The following LRP1B variants were observed in gnomAD, a reference collection of about 807,000 sequenced individuals.
LRP1B encodes low-density lipoprotein receptor-related protein 1B.
A neutral mutation model predicts 556.6 loss-of-function variants in LRP1B; 217 were observed. That is an observed-to-expected ratio of 0.39 (90% CI 0.35 to 0.44). The LOEUF (loss-of-function observed/expected upper bound fraction) is 0.44. Among genes scored for constraint, LRP1B ranks in the 20% least tolerant of loss-of-function variants. LRP1B has a pLI of 1.00. For synonymous variants in LRP1B, 2,047 were observed against 1,865.8 expected (o/e 1.10, Z -2.50); for missense variants, 5,053 against 5,620.8 (o/e 0.90, Z 3.23).
chr2:140,271,595 T>C (rs1156997695), intron 85 of LRP1B, among the ~76,000 whole-genome samples: 2 of 151,980 alleles, frequency 1.3e-5, no homozygotes, highest in Admixed American at 1.3e-4. Flanking sequence ...TTTGAAGATG[T>C]TTCTGAAAAG....
chr2:140,354,269 CACAA>C (rs749940252), intron 75 of LRP1B, among the ~76,000 whole-genome samples: 4 of 152,058 alleles, frequency 2.6e-5, no homozygotes, highest in Non-Finnish European at 5.9e-5. Context: ...TTGCGTAGCA[CACAA>C]ACAATGTTCT....
At chr2:141,420,506 G>T (rs552113138) in intron 3 of LRP1B, among the ~76,000 whole-genome samples, 48 of 152,154 alleles carry the variant, frequency 3.2e-4, no homozygotes, top group African/African-American at 1.1e-3. Flanking sequence ...CCAAAAGCTC[G>T]TAAGTTTTTG....
intron 2 of LRP1B, among the ~76,000 whole-genome samples, chr2:141,537,912 C>A (rs1685121170): frequency 6.6e-6 from 1 of 151,956 alleles, no homozygotes; most frequent in African/African-American, 2.4e-5. Context: ...GGAATTCCAC[C>A]CATAACACTG....
chr2:142,079,517 A>AT (rs1335782905), intron 1 of LRP1B, among the ~76,000 whole-genome samples: 1 of 149,008 alleles, frequency 6.7e-6, no homozygotes, highest in African/African-American at 2.5e-5. Flanking sequence ...TTATTTTTTT[A>AT]TTTTTTCTGA....
intron 2 of LRP1B, among the ~76,000 whole-genome samples, chr2:141,674,075 T>A (rs1249016284): frequency 1.3e-5 from 2 of 152,052 alleles, no homozygotes; most frequent in South Asian, 4.1e-4. Context: ...ATTCCCTCCA[T>A]TGTTAATAGC....
intron 35 of LRP1B, among the ~76,000 whole-genome samples, chr2:140,759,230 T>C (rs1367902273): frequency 6.6e-6 from 1 of 152,114 alleles, no homozygotes; most frequent in African/African-American, 2.4e-5. Context: ...TATTAGAAGT[T>C]GAATAGTCAA....
At chr2:140,328,748 G>C (rs1450831189) in intron 79 of LRP1B, among the ~76,000 whole-genome samples, 1 of 151,952 alleles carries the variant, frequency 6.6e-6, no homozygotes, top group Non-Finnish European at 1.5e-5. Context: ...AATTGTTAGA[G>C]TTTCAGATTA....
chr2:140,740,872 C>A (rs1688113452), intron 35 of LRP1B, among the ~76,000 whole-genome samples: 2 of 151,992 alleles, frequency 1.3e-5, no homozygotes, highest in African/African-American at 4.8e-5. Flanking sequence ...TTAGGGCCTA[C>A]CCACATGACC....
intron 1 of LRP1B, among the ~76,000 whole-genome samples, chr2:141,838,186 A>C (rs976798692): frequency 2.0e-5 from 3 of 152,118 alleles, no homozygotes; most frequent in Admixed American, 6.6e-5. Flanking sequence ...TCTATAACGT[A>C]AGCTATCTCA....
intron 59 of LRP1B, among the ~76,000 whole-genome samples, chr2:140,477,369 T>G (rs1688017408): frequency 6.6e-6 from 1 of 152,078 alleles, no homozygotes; most frequent in African/African-American, 2.4e-5. Flanking sequence ...GAATTGCATA[T>G]AAGAAAATAA....
At chr2:140,690,345 C>A (rs569652596) in intron 41 of LRP1B, among the ~76,000 whole-genome samples, 1 of 151,962 alleles carries the variant, frequency 6.6e-6, no homozygotes, top group Admixed American at 6.6e-5. Flanking sequence ...ATCACTCTTC[C>A]GGGTCTAACC....
intron 2 of LRP1B, among the ~76,000 whole-genome samples, chr2:141,653,471 C>G (rs921046673): frequency 6.6e-6 from 1 of 152,210 alleles, no homozygotes; most frequent in African/African-American, 2.4e-5. Flanking sequence ...AGGCAGAGTG[C>G]TCCTGGCATC....
chr2:140,808,484 C>A (rs1401084712), intron 32 of LRP1B, among the ~76,000 whole-genome samples: 1 of 152,174 alleles, frequency 6.6e-6, no homozygotes, highest in Non-Finnish European at 1.5e-5. Flanking sequence ...AAGTCACTGT[C>A]TTGGCAAACT....
chr2:141,774,688 T>C (rs895764915), intron 2 of LRP1B, among the ~76,000 whole-genome samples: 2 of 152,176 alleles, frequency 1.3e-5, no homozygotes, highest in Non-Finnish European at 2.9e-5. Context: ...GGAAACACCG[T>C]CCCTTCAAAT....
chr2:140,536,716 G>GAAAAA lies in LRP1B; in HGVS notation c.7514-12_7514-8dup. ...TTGCAGGAGGAATTTTTAGCTGCAAGAAAAAAAAAAAAAGTCAATACTTTT... is the reference window on the plus strand; with the variant it reads ...TTGCAGGAGGAATTTTTAGCTGCAAGAAAAAAAAAAAAAAAAAAGTCAATACTTTT... On this transcript the variant is annotated splice_region_variant and splice_polypyrimidine_tract_variant and intron_variant, in intron 45 of 90. Coordinates refer to ENST00000389484, the MANE Select transcript of LRP1B (RefSeq NM_018557.3). 2 of 1,253,952 alleles carry GAAAAA rather than the reference G, an allele frequency of 1.6e-6. No individual in the cohort carries two copies. The highest frequency in any genetic ancestry group is 2.8e-5 in the East Asian group (1 of 35,468). 77.7% of individuals were successfully genotyped at this position (1,253,952 alleles called of 1,614,324 possible).
intron 83 of LRP1B, among the ~76,000 whole-genome samples, chr2:140,304,027 T>C (rs543466392): frequency 6.1e-4 from 93 of 152,326 alleles, no homozygotes; most frequent in African/African-American, 2.2e-3. Context: ...CCATAGTGTA[T>C]ATGTGCCACA....
At chr2:141,957,942 C>T (rs1249378375) in intron 1 of LRP1B, among the ~76,000 whole-genome samples, 1 of 152,000 alleles carries the variant, frequency 6.6e-6, no homozygotes, top group African/African-American at 2.4e-5. Flanking sequence ...CCTGATAATG[C>T]TCTCTTATGT....
At chr2:141,142,196 T>C (rs1224771098) in intron 7 of LRP1B, among the ~76,000 whole-genome samples, 2 of 152,216 alleles carry the variant, frequency 1.3e-5, no homozygotes, top group Non-Finnish European at 2.9e-5. Context: ...TGACACCTTC[T>C]CACCAGATGC....
chr2:140,511,425 C>G (rs1689653660), intron 51 of LRP1B, among the ~76,000 whole-genome samples: 2 of 151,502 alleles, frequency 1.3e-5, no homozygotes, highest in South Asian at 4.2e-4. Context: ...CCTCAGCCTC[C>G]GGAGTAGCTG....
Sources: gnomAD v4.1 joint callset for allele counts (sites outside exome capture counted in the v4.1 genomes callset) on GRCh38, gnomAD v4.1.1 for gene constraint, MANE v1.5 for transcripts, NCBI Gene and HGNC (gene_info 2026-07-23, HGNC 2026-07-21) for gene names.